HDAC9: variants seen among roughly 807,000 people sequenced by gnomAD.
HDAC9 encodes histone deacetylase 9, also known as MEF-2 interacting transcription repressor (MITR) protein.
Under a neutral mutation model 139.4 loss-of-function variants are expected in HDAC9, and 41 were observed. The ratio of observed to expected loss-of-function variants is 0.29; its 90% CI spans 0.23 to 0.38. The LOEUF is 0.38. Ranked by LOEUF, HDAC9 falls within the 10% of genes least tolerant of loss-of-function variation. HDAC9 has a pLI of 1.00. For missense variants in HDAC9, 1,147 were observed against 1,297.0 expected (o/e 0.88, Z 1.78); for synonymous variants, 517 against 476.2 (o/e 1.09, Z -1.12).
At chr7:18,760,306 C>A (rs1789270149) in intron 14 of HDAC9, among the ~76,000 whole-genome samples, 3 of 152,134 alleles carry the variant, frequency 2.0e-5, no homozygotes, top group African/African-American at 7.2e-5. Flanking sequence ...TAAAACGTTT[C>A]CCTTTAATGT....
At chr7:18,540,388 A>G (rs939804740) in intron 2 of HDAC9, among the ~76,000 whole-genome samples, 1 of 152,042 alleles carries the variant, frequency 6.6e-6, no homozygotes, top group African/African-American at 2.4e-5. Flanking sequence ...CTTATTAAAT[A>G]TATTTATTCT....
intron 1 of HDAC9, among the ~76,000 whole-genome samples, chr7:18,420,191 G>C (rs887326593): frequency 6.6e-6 from 1 of 152,128 alleles, no homozygotes; most frequent in Non-Finnish European, 1.5e-5. Context: ...TGGGACAAGC[G>C]TACTATCTGA....
At chr7:18,407,155 A>T (rs1038824559) in intron 1 of HDAC9, among the ~76,000 whole-genome samples, 4 of 151,934 alleles carry the variant, frequency 2.6e-5, no homozygotes, top group African/African-American at 9.7e-5. Flanking sequence ...TTCACTCCAG[A>T]TCTTATTTAT....
chr7:18,352,008 G>T (rs947590025), intron 1 of HDAC9, among the ~76,000 whole-genome samples: 1 of 152,112 alleles, frequency 6.6e-6, no homozygotes. Context: ...GAGAACAAAA[G>T]CTCAAGAAGA....
intron 21 of HDAC9, among the ~76,000 whole-genome samples, chr7:18,838,318 C>A (rs1443011214): frequency 6.6e-6 from 1 of 151,994 alleles, no homozygotes; most frequent in African/African-American, 2.4e-5. Flanking sequence ...ATTAACTTGT[C>A]CTCAATGGTT....
intron 1 of HDAC9, among the ~76,000 whole-genome samples, chr7:18,151,607 T>C (rs538389201): frequency 6.6e-6 from 1 of 152,300 alleles, no homozygotes; most frequent in Admixed American, 6.5e-5. Flanking sequence ...ACTGTAATCA[T>C]AGTATAGTAA....
intron 1 of HDAC9, among the ~76,000 whole-genome samples, chr7:18,136,210 G>C (rs1035541675): frequency 2.4e-4 from 36 of 149,560 alleles, no homozygotes; most frequent in Admixed American, 8.6e-4. Flanking sequence ...TTAGCCCTTT[G>C]TCAGATGAGT....
intron 22 of HDAC9, among the ~76,000 whole-genome samples, chr7:18,895,636 T>C (rs1801123968): frequency 6.6e-6 from 1 of 152,138 alleles, no homozygotes; most frequent in Admixed American, 6.6e-5. Context: ...TATCTTTTTA[T>C]GAAAGAAGAA....
intron 21 of HDAC9, among the ~76,000 whole-genome samples, chr7:18,859,730 G>A (rs1398506644): frequency 1.4e-5 from 2 of 146,384 alleles, no homozygotes; most frequent in Non-Finnish European, 3.0e-5. Context: ...AGTAATGTTT[G>A]ACCTTTCTTT....
chr7:18,122,012 T>C (rs552978436), intron 1 of HDAC9, among the ~76,000 whole-genome samples: 1 of 151,744 alleles, frequency 6.6e-6, no homozygotes, highest in East Asian at 1.9e-4. Flanking sequence ...GGCATTCTTG[T>C]ATTTCTTCAA....
intron 25 of HDAC9, among the ~76,000 whole-genome samples, chr7:18,982,167 G>A (rs1784996168): frequency 6.6e-6 from 1 of 152,098 alleles, no homozygotes; most frequent in Non-Finnish European, 1.5e-5. Flanking sequence ...TTCTACTGCT[G>A]ACACTCAGTC....
At chr7:18,446,828 C>G (rs1052499856) in intron 1 of HDAC9, among the ~76,000 whole-genome samples, 1 of 152,084 alleles carries the variant, frequency 6.6e-6, no homozygotes, top group African/African-American at 2.4e-5. Context: ...TAAATACTTT[C>G]AACAGATTAT....
At position 18,679,758 on chromosome 7, in the gene HDAC9, A is replaced by G. The variant is rs535847539; in HGVS notation, c.1731+13282A>G. Among the ~76,000 whole-genome samples, 108 of 151,972 alleles carry G rather than the reference A, an allele frequency of 7.1e-4. 1 individual carries two copies. The highest frequency in any genetic ancestry group is 6.2e-3 in the South Asian group (30 of 4,826). ...CAGTATGAAGCATAGATAATGGACTATTTATAACATCTAAATACTAGGTAA... is the reference window on the plus strand; with the variant it reads ...CAGTATGAAGCATAGATAATGGACTGTTTATAACATCTAAATACTAGGTAA... On this transcript the variant is annotated intron_variant, in intron 12 of 25. Transcript: ENST00000686413.
At chr7:18,447,015 A>C (rs1023264239) in intron 1 of HDAC9, among the ~76,000 whole-genome samples, 9 of 152,202 alleles carry the variant, frequency 5.9e-5, no homozygotes, top group African/African-American at 2.2e-4. Context: ...AAAAACAAAA[A>C]GTTTTGAATA....
chr7:18,737,424 G>A (rs957319124), intron 13 of HDAC9, among the ~76,000 whole-genome samples: 10 of 152,160 alleles, frequency 6.6e-5, no homozygotes, highest in Non-Finnish European at 1.5e-4. Context: ...AGAGATTCTG[G>A]TAAGTGGTGT....
intron 11 of HDAC9, among the ~76,000 whole-genome samples, chr7:18,659,263 T>C (rs1792367120): frequency 6.6e-6 from 1 of 152,198 alleles, no homozygotes; most frequent in African/African-American, 2.4e-5. Context: ...TATCAAGTTA[T>C]ATAATTTACA....
intron 17 of HDAC9, among the ~76,000 whole-genome samples, chr7:18,818,034 A>G (rs1035934756): frequency 2.6e-5 from 4 of 152,242 alleles, no homozygotes; most frequent in Non-Finnish European, 4.4e-5. Flanking sequence ...TTCCAGTGAA[A>G]TAGTTCACAC....
chr7:18,448,496 G>A (rs566948925), intron 1 of HDAC9, among the ~76,000 whole-genome samples: 1 of 152,112 alleles, frequency 6.6e-6, no homozygotes, highest in East Asian at 1.9e-4. Flanking sequence ...TATTCAAATT[G>A]AGTATTAATT....
chr7:18,727,727 G>A lies in HDAC9; in HGVS notation c.1879G>A (p.Asp627Asn). ...CTCTGTTTTACCTCACCCAGCAATG[G>A]ACCGCCCCCTCCAGCCTGGCTCTGC... is the stretch of plus-strand genomic sequence containing the variant. ...AASVLPHPAM[D>N]RPLQPGSATG... Residue 627 changes from aspartate to asparagine, a missense_variant, in exon 13 of 26, where the codon GAC becomes AAC. By Grantham distance (23) the Asp-to-Asn change is conservative (BLOSUM62 1). This residue lies in a region of HDAC9 where 256 missense variants were observed against 219.2 expected (regional missense o/e 1.17). Coordinates refer to ENST00000686413, the MANE Select transcript of HDAC9 (RefSeq NM_178425.4). The A allele has an allele frequency of 6.4e-7, 1 of 1,557,920 alleles. No individual in the cohort carries two copies.
Sources: allele counts gnomAD v4.1 joint callset (sites outside exome capture counted in the v4.1 genomes callset), GRCh38; gene constraint gnomAD v4.1.1; regional missense constraint gnomAD v4.1.1; transcripts MANE v1.5; gene names NCBI Gene and HGNC (gene_info 2026-07-23, HGNC 2026-07-21).